Variants in ARHGAP26 observed in about 807,000 individuals in gnomAD.
ARHGAP26 encodes the protein Rho GTPase activating protein 26.
Under a neutral mutation model 104.8 loss-of-function variants are expected in ARHGAP26, and 38 were observed. That is an observed-to-expected ratio of 0.36 (90% CI 0.28 to 0.48). The LOEUF (loss-of-function observed/expected upper bound fraction) is 0.48. Among genes scored for constraint, ARHGAP26 ranks in the 20% least tolerant of loss-of-function variants. The pLI is 0.99. For synonymous variants in ARHGAP26, 341 were observed against 340.0 expected (o/e 1.00, Z -0.03); for missense variants, 704 against 947.9 (o/e 0.74, Z 3.38).
rs1217350223 is a variant in ARHGAP26 at position 142,963,198 on chromosome 5, A to ATGTGTGTGTG, written c.1107+31086_1107+31095dup. On this transcript the variant is annotated intron_variant, in intron 11 of 22. Transcript: ENST00000645722. The stretch of plus-strand genomic sequence containing the variant: ...TATATATATATATATATATATATAT[A>ATGTGTGTGTG]TGTGTGTGTGTGTGTGTGTGTGCGC... 5.4e-4 allele frequency among the ~76,000 whole-genome samples: 53 copies of ATGTGTGTGTG among 98,322 alleles called. 2 individuals are homozygous for ATGTGTGTGTG. Among genetic ancestry groups the ATGTGTGTGTG allele is most frequent in the African/African-American group, 2.9e-3 (48 of 16,360 alleles). 64.5% of individuals were successfully genotyped at this position (98,322 alleles called of 152,430 possible). A position where few individuals can be genotyped will look rare whatever the true frequency, so the allele number is the denominator to read the frequency against.
At chr5:142,997,323 A>G (rs1248079737) in intron 11 of ARHGAP26, among the ~76,000 whole-genome samples, 2 of 152,170 alleles carry the variant, frequency 1.3e-5, no homozygotes, top group East Asian at 3.8e-4. Flanking sequence ...TCCACTGTGC[A>G]TGTTCACTGA....
At chr5:143,148,258 G>A (rs745356206) in intron 20 of ARHGAP26, among the ~76,000 whole-genome samples, 7 of 152,174 alleles carry the variant, frequency 4.6e-5, no homozygotes, top group Non-Finnish European at 1.0e-4. Flanking sequence ...GTGGGGAGAC[G>A]CTAGCATGGC....
In ARHGAP26 at chr5:143,223,224, A is replaced by G. The variant is rs1036609908; in HGVS notation, c.*778A>G. ...ATAACACATCCTCTTTGCATGACAC[A>G]TTTTTTTTCTCCCCTTTTTGGTACA... On this transcript the variant is annotated 3_prime_UTR_variant, in exon 23 of 23. Coordinates refer to ENST00000645722, the MANE Select transcript of ARHGAP26 (RefSeq NM_001135608.3). 1.0e-4 allele frequency: 24 copies of G among 232,520 alleles called. No individual in the cohort carries two copies. The highest frequency in any genetic ancestry group is 1.3e-3 in the Middle Eastern group (1 of 784). The allele number at this position is 232,520 out of a possible 1,614,324, so 14.4% of individuals were successfully genotyped here. A position where few individuals can be genotyped will look rare whatever the true frequency, so the allele number is the denominator to read the frequency against.
At position 142,925,472 on chromosome 5, in the gene ARHGAP26, G is replaced by C. The variant is rs1429641252; in HGVS notation, c.1029-6575G>C. 2.0e-5 allele frequency among the ~76,000 whole-genome samples: 3 copies of C among 152,308 alleles called. No homozygotes were observed. In the East Asian group the frequency reaches 5.8e-4, roughly 29 times the overall value. On this transcript the variant is annotated intron_variant, in intron 10 of 22. Coordinates refer to ENST00000645722, the MANE Select transcript of ARHGAP26 (RefSeq NM_001135608.3). ...GTCTGTAATCTCATAAACAGACATG[G>C]AAAAGGTGTCATTCTCCAAGATTAT...
intron 18 of ARHGAP26, among the ~76,000 whole-genome samples, chr5:143,131,641 G>T (rs980238415): frequency 3.9e-5 from 6 of 152,170 alleles, no homozygotes; most frequent in African/African-American, 1.4e-4. Flanking sequence ...TTAGCCAAAT[G>T]AATGGCTGCT....
chr5:142,792,493 G>A (rs765930635), intron 1 of ARHGAP26, among the ~76,000 whole-genome samples: 1 of 152,156 alleles, frequency 6.6e-6, no homozygotes, highest in African/African-American at 2.4e-5. Context: ...TCACACAGAT[G>A]CCCTGTTTGG....
intron 10 of ARHGAP26, among the ~76,000 whole-genome samples, chr5:142,931,527 C>G (rs1048086591): frequency 1.3e-5 from 2 of 152,182 alleles, no homozygotes; most frequent in Non-Finnish European, 2.9e-5. Flanking sequence ...TTAATCATAA[C>G]TACCAAGATG....
At chr5:143,204,438 C>T (rs757140728) in intron 20 of ARHGAP26, among the ~76,000 whole-genome samples, 3 of 152,130 alleles carry the variant, frequency 2.0e-5, no homozygotes, top group South Asian at 4.1e-4. Context: ...GTAGGAGAAT[C>T]GCTTGAACCC....
intron 18 of ARHGAP26, among the ~76,000 whole-genome samples, chr5:143,131,439 G>A (rs1172037749): frequency 6.6e-6 from 1 of 152,160 alleles, no homozygotes; most frequent in Non-Finnish European, 1.5e-5. Flanking sequence ...GGCAAAGCAG[G>A]ATGAGAGGGA....
intron 1 of ARHGAP26, among the ~76,000 whole-genome samples, chr5:142,811,834 C>T (rs1027901265): frequency 4.6e-5 from 7 of 152,290 alleles, no homozygotes; most frequent in South Asian, 2.1e-4. Flanking sequence ...TTCATCATTC[C>T]GTTCCTGCTC....
intron 17 of ARHGAP26, among the ~76,000 whole-genome samples, chr5:143,060,257 A>G (rs1786505898): frequency 6.6e-6 from 1 of 152,038 alleles, no homozygotes; most frequent in Admixed American, 6.6e-5. Flanking sequence ...ACTGGTGTTT[A>G]CTTCTCTTAT....
intron 8 of ARHGAP26, among the ~76,000 whole-genome samples, chr5:142,905,458 C>T (rs1026587375): frequency 6.6e-6 from 1 of 151,966 alleles, no homozygotes; most frequent in Non-Finnish European, 1.5e-5. Flanking sequence ...ACAGAAAAGT[C>T]GCAACAATGG....
intron 11 of ARHGAP26, among the ~76,000 whole-genome samples, chr5:143,012,465 C>A (rs1778881181): frequency 7.1e-6 from 1 of 141,620 alleles, no homozygotes; most frequent in Admixed American, 7.5e-5. Flanking sequence ...AGGTAGTTGC[C>A]TTGGTTTCTT....
chr5:142,885,661 C>G (rs1323293422), intron 5 of ARHGAP26, among the ~76,000 whole-genome samples: 4 of 152,152 alleles, frequency 2.6e-5, no homozygotes, highest in African/African-American at 9.7e-5. Flanking sequence ...TTGGGCTGCC[C>G]TGATTGCTAG....
intron 20 of ARHGAP26, chr5:143,165,912 T>C: frequency 1.7e-6 from 1 of 574,292 alleles, no homozygotes; most frequent in Admixed American, 4.0e-5. Context: ...CTCCTAGGGT[T>C]GTTAGGATGA....
intron 1 of ARHGAP26, among the ~76,000 whole-genome samples, chr5:142,808,885 T>A (rs1763542484): frequency 6.6e-6 from 1 of 152,216 alleles, no homozygotes; most frequent in African/African-American, 2.4e-5. Flanking sequence ...TTACCACAGC[T>A]GAACTGAGAA....
intron 11 of ARHGAP26, among the ~76,000 whole-genome samples, chr5:143,011,868 G>A (rs890915410): frequency 1.3e-5 from 2 of 152,144 alleles, no homozygotes; most frequent in African/African-American, 2.4e-5. Context: ...TGAATGTTAA[G>A]CATTTCTTTT....
At chr5:142,999,779 T>A (rs932865825) in intron 11 of ARHGAP26, among the ~76,000 whole-genome samples, 6 of 152,168 alleles carry the variant, frequency 3.9e-5, no homozygotes, top group African/African-American at 1.4e-4. Flanking sequence ...AAAAATTGAC[T>A]TGATTTAAAT....
chr5:143,113,147 ACACCCTCAGATTTTAG>A, intron 17 of ARHGAP26, among the ~76,000 whole-genome samples: 1 of 152,220 alleles, frequency 6.6e-6, no homozygotes, highest in Non-Finnish European at 1.5e-5. Context: ...AGAGCTAGTT[ACACCCTCAGATTTTAG>A]AATACCTCTG....
Sources: gnomAD v4.1 joint callset for allele counts (sites outside exome capture counted in the v4.1 genomes callset) on GRCh38, gnomAD v4.1.1 for gene constraint, MANE v1.5 for transcripts, NCBI Gene and HGNC (gene_info 2026-07-23, HGNC 2026-07-21) for gene names.